The following MALRD1 variants were observed in gnomAD, a reference collection of about 807,000 sequenced individuals.
The protein encoded by MALRD1 is MAM and LDL-receptor class A domain-containing protein 1.
A neutral mutation model predicts 242.1 loss-of-function variants in MALRD1; 247 were observed. The observed-to-expected ratio is 1.02, with a 90% CI of 0.92 to 1.13. MALRD1 has a LOEUF of 1.13. Ranked by LOEUF, MALRD1 falls within the 50% of genes most tolerant of loss-of-function variation. MALRD1 has a pLI of 0.00. For synonymous variants in MALRD1, 995 were observed against 866.6 expected (o/e 1.15, Z -2.60); for missense variants, 2,989 against 2,533.1 (o/e 1.18, Z -3.86).
At position 19,607,818 on chromosome 10, in the gene MALRD1, T is replaced by A; in HGVS notation, c.5986T>A (p.Ser1996Thr). The A allele has an allele frequency of 6.5e-7, 1 of 1,549,818 alleles. No homozygotes were observed. Among genetic ancestry groups the A allele is most frequent in the South Asian group, 1.2e-5 (1 of 84,032 alleles). The change falls in exon 35 of 40, where the codon TCC becomes ACC. Residue 1996 changes from serine to threonine, a missense_variant. Physicochemically the swap from Ser to Thr is moderately conservative, Grantham distance 58. Coordinates refer to ENST00000454679, the MANE Select transcript of MALRD1 (RefSeq NM_001142308.3). Reference sequence around the variant, plus strand: ...TAATGGAGCTCTGGTGTGTGCCTCCTCCAACAGCTGTATCCCAGCCCACCA... The same window carrying A: ...TAATGGAGCTCTGGTGTGTGCCTCCACCAACAGCTGTATCCCAGCCCACCA... ...CSNGALVCAS[S>T]NSCIPAHQRC...
intron 19 of MALRD1, among the ~76,000 whole-genome samples, chr10:19,265,831 T>C (rs1178595109): frequency 6.6e-6 from 1 of 152,118 alleles, no homozygotes; most frequent in Non-Finnish European, 1.5e-5. Context: ...AGTCCTTTAC[T>C]ATTATTGTTT....
intron 36 of MALRD1, among the ~76,000 whole-genome samples, chr10:19,675,769 A>G (rs535235700): frequency 1.4e-4 from 22 of 152,342 alleles, no homozygotes; most frequent in Non-Finnish European, 2.6e-4. Flanking sequence ...AGCTTGTGCT[A>G]ATTGCAGTGT....
Position 19,104,041 on chromosome 10 carries a change from T to C in MALRD1, c.660T>C (p.Asp220=). 10 of 1,233,882 alleles carry C rather than the reference T, an allele frequency of 8.1e-6. No individual in the cohort carries two copies. The highest frequency in any genetic ancestry group is 9.1e-6 in the Non-Finnish European group (9 of 988,088). 76.4% of individuals were successfully genotyped at this position (1,233,882 alleles called of 1,614,324 possible). Reference sequence around the variant, plus strand: ...AGGATGAAGTCATTGCTATTGATGATATATCTTTCAGTTCAGGCTGCTTGC... The same window carrying C: ...AGGATGAAGTCATTGCTATTGATGACATATCTTTCAGTTCAGGCTGCTTGC... ...YEQDEVIAID[D]ISFSSGCLPA... is the part of the protein sequence containing the mutation. The change falls in exon 5 of 40, where the codon GAT becomes GAC. Residue 220 remains aspartate (D), a synonymous_variant. Transcript: ENST00000454679.
chr10:19,447,945 G>A (rs1835094227), intron 28 of MALRD1, among the ~76,000 whole-genome samples: 1 of 152,098 alleles, frequency 6.6e-6, no homozygotes, highest in South Asian at 2.1e-4. Context: ...ATTTGTTGTT[G>A]TTTTGTCAAG....
In MALRD1 at chr10:19,655,486, A is replaced by ATGTGTACATATATATGTGTG. The variant is rs1451511859; in HGVS notation, c.6138-36775_6138-36756dup. On this transcript the variant is annotated intron_variant, in intron 36 of 39. Coordinates refer to ENST00000454679, the MANE Select transcript of MALRD1 (RefSeq NM_001142308.3). ...ATCCCAGGAAGTTATATACATGTGT[A>ATGTGTACATATATATGTGTG]TGTGTACATATATATGTGTGTGTGT... Among the ~76,000 whole-genome samples the ATGTGTACATATATATGTGTG allele has an allele frequency of 4.8e-5, 7 of 145,164 alleles. 1 individual carries two copies. The highest frequency in any genetic ancestry group is 4.2e-4 in the Admixed American group (6 of 14,376).
chr10:19,105,475 T>C (rs1256636926), intron 5 of MALRD1, among the ~76,000 whole-genome samples: 1 of 152,036 alleles, frequency 6.6e-6, no homozygotes, highest in Non-Finnish European at 1.5e-5. Context: ...GCAGTAAACA[T>C]GGGAATGCAA....
Position 19,204,430 on chromosome 10 carries a change from T to C in MALRD1, c.2210+17T>C. The C allele has an allele frequency of 6.7e-7, 1 of 1,493,802 alleles. No individual in the cohort carries two copies. The allele number at this position is 1,493,802 out of a possible 1,614,324, so 92.5% of individuals were successfully genotyped here. ...TTCCTTCTGGTAAATATTAAACAAA[T>C]ATTTAAACAATATTAAACAGTTCAC... On this transcript the variant is annotated intron_variant, in intron 16 of 39. Transcript: ENST00000454679.
At chr10:19,529,592 C>A in intron 31 of MALRD1, among the ~76,000 whole-genome samples, 2 of 149,612 alleles carry the variant, frequency 1.3e-5, no homozygotes, top group African/African-American at 5.0e-5. Flanking sequence ...GTATTGAATA[C>A]AAAATGAAGA....
chr10:19,370,602 C>G (rs1588977633), intron 26 of MALRD1, among the ~76,000 whole-genome samples: 1 of 152,062 alleles, frequency 6.6e-6, no homozygotes, highest in South Asian at 2.1e-4. Flanking sequence ...TTGAGACAGT[C>G]TCACTGGCTC....
At chr10:19,355,858 T>TATATATATATATGTATATATATATA in intron 26 of MALRD1, among the ~76,000 whole-genome samples, 1 of 94,946 alleles carries the variant, frequency 1.1e-5, no homozygotes, top group East Asian at 4.1e-4. Context: ...TATATATATA[T>TATATATATATATGTATATATATATA]TATATATGAT....
chr10:19,049,062 A>C lies in MALRD1; in HGVS notation c.124A>C (p.Asn42His), dbSNP rs1834410099. Residue 42 changes from asparagine (N) to histidine (H), a missense_variant, in exon 1 of 40, where the codon AAT becomes CAT. Transcript: ENST00000454679. ...AGGGACAGAAAGCTTTCAGTGTGAC[A>C]ATGGAGTCTCCTTGCCTCCTGACAG... ...QQGTESFQCDNGVSLPPDSIC... is the reference protein window; with the variant it reads ...QQGTESFQCDHGVSLPPDSIC... 7 of 1,233,886 alleles carry C rather than the reference A, an allele frequency of 5.7e-6. No individual in the cohort carries two copies. The highest frequency in any genetic ancestry group is 7.1e-6 in the Non-Finnish European group (7 of 988,120). 76.4% of individuals were successfully genotyped at this position (1,233,886 alleles called of 1,614,324 possible). A position where few individuals can be genotyped will look rare whatever the true frequency, so the allele number is the denominator to read the frequency against.
rs1020338299 is a variant in MALRD1, at chr10:19,209,384, A to G, written c.2695A>G (p.Met899Val). 1.3e-4 allele frequency: 195 copies of G among 1,550,958 alleles called. No individual in the cohort carries two copies. Among genetic ancestry groups the G allele is most frequent in the Non-Finnish European group, 1.4e-4 (162 of 1,147,096 alleles). The change falls in exon 18 of 40, where the codon ATG becomes GTG. Residue 899 changes from methionine to valine, a missense_variant. Coordinates refer to ENST00000454679, the MANE Select transcript of MALRD1 (RefSeq NM_001142308.3). ...GPTPTLNTGPMKDNTLGTAKG... is the reference protein window; with the variant it reads ...GPTPTLNTGPVKDNTLGTAKG... The stretch of plus-strand genomic sequence containing the variant: ...AACTCCAACACTTAACACAGGGCCA[A>G]TGAAAGATAACACTCTGGGCACAGC...
chr10:19,633,390 G>A lies in MALRD1; in HGVS notation c.6137+17467G>A, dbSNP rs182599507. ...ATGTTTCTTACAGTAGTAAAAGCTC[G>A]TAGGAACGTTTGTCAAGCACATAAG... On this transcript the variant is annotated intron_variant, in intron 36 of 39. Transcript: ENST00000454679. Among the ~76,000 whole-genome samples, 319 of 152,282 alleles carry A rather than the reference G, an allele frequency of 2.1e-3. 2 individuals are homozygous for A. The highest frequency in any genetic ancestry group is 6.3e-3 in the African/African-American group (263 of 41,572).
chr10:19,237,692 A>T lies in MALRD1; in HGVS notation c.2992-19992A>T, dbSNP rs562018594. Among the ~76,000 whole-genome samples the T allele has an allele frequency of 4.5e-4, 55 of 121,008 alleles. 1 individual carries two copies. The South Asian group carries it at 0.011, about 24-fold the overall frequency. 79.4% of individuals were successfully genotyped at this position (121,008 alleles called of 152,430 possible). ...ATATAATTATATATAATTTATATAT[A>T]AATACATAATTATATATATATTTAT... On this transcript the variant is annotated intron_variant, in intron 18 of 39. Coordinates refer to ENST00000454679, the MANE Select transcript of MALRD1 (RefSeq NM_001142308.3).
chr10:19,468,277 G>A (rs1836322856), intron 29 of MALRD1, among the ~76,000 whole-genome samples: 1 of 152,136 alleles, frequency 6.6e-6, no homozygotes, highest in Non-Finnish European at 1.5e-5. Flanking sequence ...GAATTCATTT[G>A]ACTGGGTGAT....
intron 11 of MALRD1, among the ~76,000 whole-genome samples, chr10:19,150,247 A>G (rs560318155): frequency 6.6e-6 from 1 of 151,572 alleles, no homozygotes; most frequent in South Asian, 2.1e-4. Flanking sequence ...TTTTTTTTGC[A>G]CTCTGGTTGG....
At chr10:19,249,326 A>G (rs1199356327) in intron 18 of MALRD1, among the ~76,000 whole-genome samples, 2 of 151,866 alleles carry the variant, frequency 1.3e-5, no homozygotes, top group African/African-American at 2.4e-5. Flanking sequence ...AGAGAAAGAC[A>G]CGGTTTCAAA....
chr10:19,384,556 T>A (rs1447446737), intron 26 of MALRD1, among the ~76,000 whole-genome samples: 3 of 121,040 alleles, frequency 2.5e-5, no homozygotes, highest in Non-Finnish European at 4.9e-5. Context: ...ATATTATATA[T>A]TATATAGTGT....
At chr10:19,171,673 A>T (rs1588647423) in intron 13 of MALRD1, among the ~76,000 whole-genome samples, 1 of 139,426 alleles carries the variant, frequency 7.2e-6, no homozygotes, top group Non-Finnish European at 1.5e-5. Context: ...TGTGTATATA[A>T]ATACACACAT....
Sources: gnomAD v4.1 joint callset for allele counts (sites outside exome capture counted in the v4.1 genomes callset) on GRCh38, gnomAD v4.1.1 for gene constraint, MANE v1.5 for transcripts, NCBI Gene and HGNC (gene_info 2026-07-23, HGNC 2026-07-21) for gene names.